TECRL: variants seen among roughly 807,000 people sequenced by gnomAD.
The protein encoded by TECRL is trans-2,3-enoyl-CoA reductase-like.
Under a neutral mutation model 52.8 loss-of-function variants are expected in TECRL, and 63 were observed. That is an observed-to-expected ratio of 1.19 (90% CI 0.97 to 1.47). The LOEUF (loss-of-function observed/expected upper bound fraction) is 1.47. Among genes scored for constraint, TECRL ranks in the 40% most tolerant of loss-of-function variants. The pLI is 0.00. For synonymous variants in TECRL, 164 were observed against 141.9 expected (o/e 1.16, Z -1.10); for missense variants, 482 against 429.6 (o/e 1.12, Z -1.08).
intron 7 of TECRL, among the ~76,000 whole-genome samples, chr4:64,302,150 G>A (rs1007287582): frequency 6.6e-6 from 1 of 151,248 alleles, no homozygotes; most frequent in Non-Finnish European, 1.5e-5. Context: ...TCATTTAGTT[G>A]TATTTAACTA....
intron 8 of TECRL, among the ~76,000 whole-genome samples, chr4:64,290,893 C>T (rs1311347350): frequency 6.6e-6 from 1 of 151,956 alleles, no homozygotes; most frequent in Non-Finnish European, 1.5e-5. Flanking sequence ...ATCCAGAAAA[C>T]AATACAAATA....
intron 4 of TECRL, among the ~76,000 whole-genome samples, chr4:64,318,058 T>C (rs1484591733): frequency 6.6e-6 from 1 of 152,152 alleles, no homozygotes; most frequent in Non-Finnish European, 1.5e-5. Flanking sequence ...GATCCAATAA[T>C]ACAGTTCATT....
intron 10 of TECRL, 63 bp downstream of exon 10, chr4:64,281,411 T>C (rs1722821226): frequency 1.0e-6 from 1 of 970,838 alleles, no homozygotes. Flanking sequence ...TGTAAATACA[T>C]AAGCACATGC....
chr4:64,285,527 T>A (rs893163335), intron 9 of TECRL, among the ~76,000 whole-genome samples: 3 of 152,018 alleles, frequency 2.0e-5, no homozygotes, highest in Non-Finnish European at 4.4e-5. Context: ...TACAACAAAC[T>A]CCAATTAATA....
chr4:64,385,656 G>A (rs866612449), intron 1 of TECRL, among the ~76,000 whole-genome samples: 22 of 152,106 alleles, frequency 1.4e-4, no homozygotes, highest in African/African-American at 5.3e-4. Flanking sequence ...CCCAAGGCAG[G>A]ATATAATTTA....
At chr4:64,397,761 G>A (rs1724053498) in intron 1 of TECRL, 1 of 152,076 alleles carries the variant, frequency 6.6e-6, no homozygotes, top group Non-Finnish European at 1.5e-5. Flanking sequence ...TCTCTTTATT[G>A]TTCCAATGTG....
At chr4:64,300,314 T>C (rs1382678306) in intron 7 of TECRL, among the ~76,000 whole-genome samples, 1 of 150,774 alleles carries the variant, frequency 6.6e-6, no homozygotes, top group Non-Finnish European at 1.5e-5. Context: ...AAAGCACACT[T>C]AAGTATGGCC....
intron 1 of TECRL, among the ~76,000 whole-genome samples, chr4:64,378,734 A>G (rs1448740312): frequency 6.6e-6 from 1 of 152,068 alleles, no homozygotes; most frequent in Non-Finnish European, 1.5e-5. Context: ...TTGACAGCGC[A>G]CAGTGAATCT....
At chr4:64,277,024 C>T (rs1371718634), downstream of TECRL, 1 of 1,494,734 alleles carries the variant, frequency 6.7e-7, no homozygotes, top group African/African-American at 1.4e-5. Context: ...CAGGCTTTTT[C>T]TTTTGATGTC....
chr4:64,381,994 A>G (rs562245593), intron 1 of TECRL, among the ~76,000 whole-genome samples: 1 of 151,996 alleles, frequency 6.6e-6, no homozygotes, highest in Non-Finnish European at 1.5e-5. Flanking sequence ...TTTTTGGAAT[A>G]GTATGAGAAA....
At chr4:64,308,192 G>T (rs1724451378) in intron 6 of TECRL, among the ~76,000 whole-genome samples, 1 of 152,112 alleles carries the variant, frequency 6.6e-6, no homozygotes, top group Non-Finnish European at 1.5e-5. Context: ...ATGCCTACAA[G>T]AACACACCTG....
At chr4:64,404,963 T>A (rs1051615704) in intron 1 of TECRL, among the ~76,000 whole-genome samples, 1 of 152,114 alleles carries the variant, frequency 6.6e-6, no homozygotes, top group African/African-American at 2.4e-5. Flanking sequence ...TTAAACACTT[T>A]ATTTGTGTTA....
At chr4:64,349,189 A>ATGGAAGCAG (rs1720207664) in intron 2 of TECRL, among the ~76,000 whole-genome samples, 1 of 148,816 alleles carries the variant, frequency 6.7e-6, no homozygotes, top group Non-Finnish European at 1.5e-5. Context: ...CTGTAGTGCA[A>ATGGAAGCAG]TGGAATGATA....
At chr4:64,298,046 A>G (rs1723783724) in intron 8 of TECRL, among the ~76,000 whole-genome samples, 1 of 151,128 alleles carries the variant, frequency 6.6e-6, no homozygotes. Context: ...CTTTTAAGAA[A>G]GGTTTTCACC....
intron 1 of TECRL, among the ~76,000 whole-genome samples, chr4:64,385,855 G>C (rs1173349291): frequency 6.6e-6 from 1 of 152,084 alleles, no homozygotes; most frequent in Non-Finnish European, 1.5e-5. Context: ...AGGAGTCCAT[G>C]GTGAAAATGT....
chr4:64,382,231 ATATAG>A (rs1349834002), intron 1 of TECRL, among the ~76,000 whole-genome samples: 65 of 2,488 alleles, frequency 0.026, 1 homozygote, highest in Admixed American at 0.036. Flanking sequence ...ATATATATAT[ATATAG>A]TATTATGTAT....
At chr4:64,347,565 C>T (rs537350826) in intron 2 of TECRL, among the ~76,000 whole-genome samples, 2 of 152,210 alleles carry the variant, frequency 1.3e-5, no homozygotes, top group African/African-American at 4.8e-5. Context: ...AGGAAACTTA[C>T]AATCATGGTG....
intron 1 of TECRL, among the ~76,000 whole-genome samples, chr4:64,382,131 A>G (rs532273506): frequency 6.7e-6 from 1 of 148,758 alleles, no homozygotes; most frequent in Admixed American, 6.8e-5. Context: ...TTGGTCTTCA[A>G]ACTTTCTACT....
chr4:64,280,982 A>C (rs10012755), intron 11 of TECRL, 59 bp downstream of exon 11: 1 of 1,281,598 alleles, frequency 7.8e-7, no homozygotes, highest in Admixed American at 1.9e-5. Flanking sequence ...TTTTCTCAGA[A>C]ACCATTTATC....
Sources: allele counts gnomAD v4.1 joint callset (sites outside exome capture counted in the v4.1 genomes callset), GRCh38; gene constraint gnomAD v4.1.1; transcripts MANE v1.5; gene names NCBI Gene and HGNC (gene_info 2026-07-23, HGNC 2026-07-21).